The following VOPP1 variants were observed in gnomAD, a reference collection of about 807,000 sequenced individuals.
VOPP1 encodes the protein WW domain binding protein VOPP1.
A neutral mutation model predicts 23.5 loss-of-function variants in VOPP1; 8 were observed. That is an observed-to-expected ratio of 0.34 (90% CI 0.20 to 0.61). The LOEUF (loss-of-function observed/expected upper bound fraction) is 0.61, where lower values mean the gene tolerates loss of function less well. VOPP1 is among the 20% of genes least tolerant of loss of function. VOPP1 has a pLI of 0.78. For missense variants in VOPP1, 174 were observed against 238.1 expected (o/e 0.73, Z 1.77); for synonymous variants, 83 against 97.3 (o/e 0.85, Z 0.86).
intron 4 of VOPP1, among the ~76,000 whole-genome samples, chr7:55,463,508 G>C (rs1426480453): frequency 1.3e-5 from 2 of 152,238 alleles, no homozygotes; most frequent in African/African-American, 2.4e-5. Context: ...GGTGGGGGCA[G>C]TAGTTTAGTT....
chr7:55,546,109 G>A (rs965071291), intron 1 of VOPP1, among the ~76,000 whole-genome samples: 7 of 152,046 alleles, frequency 4.6e-5, no homozygotes, highest in Admixed American at 2.6e-4. Flanking sequence ...GTGAAAAAAC[G>A]GAAGGATTTA....
intron 4 of VOPP1, among the ~76,000 whole-genome samples, chr7:55,460,692 C>T (rs1791477784): frequency 6.6e-6 from 1 of 152,162 alleles, no homozygotes; most frequent in African/African-American, 2.4e-5. Context: ...TAATATATCC[C>T]CTTGCTGAAT....
intron 1 of VOPP1, among the ~76,000 whole-genome samples, chr7:55,540,037 G>A (rs992087116): frequency 4.6e-5 from 7 of 151,590 alleles, no homozygotes; most frequent in African/African-American, 1.7e-4. Context: ...ATTTTCTCAC[G>A]GAAATGATGG....
chr7:55,512,277 T>C (rs1795120522), intron 2 of VOPP1, among the ~76,000 whole-genome samples: 2 of 151,892 alleles, frequency 1.3e-5, no homozygotes, highest in African/African-American at 4.8e-5. Flanking sequence ...AATACAAAAA[T>C]TAGCTAGGTG....
intron 4 of VOPP1, among the ~76,000 whole-genome samples, chr7:55,483,167 G>A (rs1792870066): frequency 1.3e-5 from 2 of 152,048 alleles, no homozygotes; most frequent in Admixed American, 6.5e-5. Flanking sequence ...CATCAAACCT[G>A]TAGCGCTTCT....
At chr7:55,469,624 CTTTG>C (rs2129005560), downstream of VOPP1, among the ~76,000 whole-genome samples, 1 of 152,324 alleles carries the variant, frequency 6.6e-6, no homozygotes, top group African/African-American at 2.4e-5. Context: ...GCTGCCCTTT[CTTTG>C]TTCTGCCTTT....
At chr7:55,512,542 C>T (rs759806066) in intron 2 of VOPP1, among the ~76,000 whole-genome samples, 51 of 152,316 alleles carry the variant, frequency 3.3e-4, no homozygotes, top group Admixed American at 1.7e-3. Flanking sequence ...TCAACTTACA[C>T]CAGGAATCTT....
chr7:55,488,620 TG>T (rs1793321541), intron 4 of VOPP1, among the ~76,000 whole-genome samples: 1 of 152,134 alleles, frequency 6.6e-6, no homozygotes, highest in South Asian at 2.1e-4. Flanking sequence ...TCATCAGTGA[TG>T]CTGGTCCCAG....
chr7:55,521,697 T>C, intron 1 of VOPP1: 1 of 986,884 alleles, frequency 1.0e-6, no homozygotes, highest in Non-Finnish European at 1.2e-6. Context: ...TAAGTCCAGC[T>C]CCTAACATCC....
chr7:55,553,330 G>T (rs1287950876), intron 1 of VOPP1, among the ~76,000 whole-genome samples: 1 of 152,090 alleles, frequency 6.6e-6, no homozygotes, highest in East Asian at 1.9e-4. Flanking sequence ...TACTTGGGAG[G>T]AGTCACCAGT....
At chr7:55,551,647 G>A (rs537200189) in intron 1 of VOPP1, among the ~76,000 whole-genome samples, 48 of 152,252 alleles carry the variant, frequency 3.2e-4, no homozygotes, top group African/African-American at 1.1e-3. Flanking sequence ...GGTTCAACAC[G>A]GTCAGGGCTG....
At chr7:55,565,022 T>G (rs192401325) in intron 1 of VOPP1, among the ~76,000 whole-genome samples, 1 of 152,380 alleles carries the variant, frequency 6.6e-6, no homozygotes, top group Admixed American at 6.5e-5. Flanking sequence ...CTCTTTGTTC[T>G]GGTCTGAGGA....
intron 1 of VOPP1, among the ~76,000 whole-genome samples, chr7:55,532,399 G>T (rs1264354366): frequency 2.0e-5 from 3 of 152,106 alleles, no homozygotes; most frequent in African/African-American, 7.3e-5. Context: ...CGAACCACCT[G>T]GCGCATGCCC....
intron 1 of VOPP1, among the ~76,000 whole-genome samples, chr7:55,529,279 C>T (rs1007988288): frequency 2.7e-5 from 4 of 148,174 alleles, no homozygotes; most frequent in Admixed American, 1.4e-4. Context: ...GCAGGAGAAT[C>T]GCTTGAACCT....
chr7:55,532,963 G>A (rs187048157), intron 1 of VOPP1, among the ~76,000 whole-genome samples: 1 of 152,302 alleles, frequency 6.6e-6, no homozygotes, highest in East Asian at 1.9e-4. Context: ...GGACTAAGCT[G>A]TTACAGCAAA....
intron 1 of VOPP1, among the ~76,000 whole-genome samples, chr7:55,524,846 G>C (rs530871786): frequency 6.6e-6 from 1 of 152,282 alleles, no homozygotes; most frequent in African/African-American, 2.4e-5. Context: ...GAGAAAGGCA[G>C]TCTCTGCCTA....
At chr7:55,523,058 G>A (rs767612784) in intron 1 of VOPP1, among the ~76,000 whole-genome samples, 2 of 152,102 alleles carry the variant, frequency 1.3e-5, no homozygotes, top group Non-Finnish European at 2.9e-5. Flanking sequence ...TCTTCTTCTG[G>A]GTCACACAGC....
intron 1 of VOPP1, among the ~76,000 whole-genome samples, chr7:55,526,304 A>T (rs1796189698): frequency 6.6e-6 from 1 of 152,246 alleles, no homozygotes; most frequent in African/African-American, 2.4e-5. Flanking sequence ...GGACTAGGGT[A>T]TCTATATATG....
intron 4 of VOPP1, 75 bp from the exon 5 acceptor site, chr7:55,473,120 G>C: frequency 6.5e-7 from 1 of 1,536,340 alleles, no homozygotes; most frequent in Non-Finnish European, 8.7e-7. Flanking sequence ...AGGCTGCAGG[G>C]CCAGCAGACC....
Sources: gnomAD v4.1 joint callset for allele counts (sites outside exome capture counted in the v4.1 genomes callset) on GRCh38, gnomAD v4.1.1 for gene constraint, MANE v1.5 for transcripts, NCBI Gene and HGNC (gene_info 2026-07-23, HGNC 2026-07-21) for gene names.